XPO1: variants seen among roughly 807,000 people sequenced by gnomAD.
XPO1 encodes exportin-1.
Under a neutral mutation model 133.3 loss-of-function variants are expected in XPO1, and 5 were observed. The ratio of observed to expected loss-of-function variants is 0.04; its 90% CI spans 0.02 to 0.08. The LOEUF (loss-of-function observed/expected upper bound fraction) is 0.08, where lower values mean the gene tolerates loss of function less well. XPO1 is among the 10% of genes least tolerant of loss of function. The probability of loss-of-function intolerance (pLI) is 1.00; values close to 1 mark genes in which losing one functional copy is unlikely to be tolerated. For missense variants in XPO1, 506 were observed against 1,267.5 expected (o/e 0.40, Z 9.12); for synonymous variants, 419 against 408.2 (o/e 1.03, Z -0.32).
At chr2:61,525,501 T>G in intron 3 of XPO1, 1 of 1,010,162 alleles carries the variant, frequency 9.9e-7, no homozygotes, top group Non-Finnish European at 1.2e-6. Context: ...CCTGTTGCTT[T>G]CTTTCTGTTC....
intron 5 of XPO1, 37 bp downstream of exon 5, chr2:61,502,212 T>C (rs1697563933): frequency 6.3e-7 from 1 of 1,599,982 alleles, no homozygotes; most frequent in African/African-American, 1.4e-5. Context: ...CTAAATGATT[T>C]TATGCTCTCC....
In XPO1 at chr2:61,516,889, C is replaced by G. The variant is rs969983441; in HGVS notation, c.301+5722G>C. ...TTTTTTTATTTGAATTATCTAAATG[C>G]CATTTTTAATTAATTAATTAATTAT... On this transcript the variant is annotated intron_variant, in intron 4 of 24. Coordinates refer to ENST00000401558, the MANE Select transcript of XPO1 (RefSeq NM_003400.4). Among the ~76,000 whole-genome samples the G allele has an allele frequency of 2.6e-5, 4 of 151,792 alleles. No homozygotes were observed. In the East Asian group the frequency reaches 7.7e-4, roughly 29 times the overall value.
At chr2:61,529,974 A>C (rs183850090) in intron 2 of XPO1, among the ~76,000 whole-genome samples, 5 of 152,314 alleles carry the variant, frequency 3.3e-5, no homozygotes, top group African/African-American at 1.2e-4. Flanking sequence ...TCATTAAAGG[A>C]CTGATGGGCA....
At chr2:61,527,488 C>T (rs773340483) in intron 2 of XPO1, among the ~76,000 whole-genome samples, 1 of 151,888 alleles carries the variant, frequency 6.6e-6, no homozygotes, top group Non-Finnish European at 1.5e-5. Context: ...GACCCTGTCT[C>T]TAGAAAAACA....
rs771521851 is a variant in XPO1, at chr2:61,522,678, A to G, written c.234T>C (p.Tyr78=). 11 of 1,612,424 alleles carry G rather than the reference A, an allele frequency of 6.8e-6. No individual in the cohort carries two copies. The highest frequency in any genetic ancestry group is 1.7e-5 in the Admixed American group (1 of 59,984). ...EFSQNMNTKY[Y]GLQILENVIK... The stretch of plus-strand genomic sequence containing the variant: ...TCACATTTTCCAAAATTTGTAGTCC[A>G]TAGTACTGAAAATTGGAGAATAGAA... Residue 78 remains tyrosine (Y), a synonymous_variant, in exon 4 of 25, where the codon TAT becomes TAC. Coordinates refer to ENST00000401558, the MANE Select transcript of XPO1 (RefSeq NM_003400.4).
At chr2:61,515,603 A>G (rs1197408211) in intron 4 of XPO1, among the ~76,000 whole-genome samples, 1 of 152,166 alleles carries the variant, frequency 6.6e-6, no homozygotes, top group Non-Finnish European at 1.5e-5. Flanking sequence ...AATGCCCAAA[A>G]CCTTGCAACA....
Position 61,484,116 on chromosome 2 carries a change from G to A in XPO1, c.2509-11C>T. On this transcript the variant is annotated splice_polypyrimidine_tract_variant and intron_variant, in intron 20 of 24. Coordinates refer to ENST00000401558, the MANE Select transcript of XPO1 (RefSeq NM_003400.4). ...ATATTCTTCAAAGTCCTAAAAATAA[G>A]TGGTGGAAACAAAATAATGTTTCAG... 1.2e-6 allele frequency: 2 copies of A among 1,607,884 alleles called. No individual in the cohort carries two copies. Among genetic ancestry groups the A allele is most frequent in the Non-Finnish European group, 1.7e-6 (2 of 1,175,388 alleles).
intron 4 of XPO1, among the ~76,000 whole-genome samples, chr2:61,517,759 G>A (rs899274121): frequency 5.3e-5 from 8 of 152,024 alleles, no homozygotes; most frequent in African/African-American, 1.7e-4. Context: ...TTCACAGTGA[G>A]ACTCTATCTC....
chr2:61,496,863 G>A lies in XPO1; in HGVS notation c.888+16C>T, dbSNP rs775536897. On this transcript the variant is annotated intron_variant, in intron 10 of 24. Coordinates refer to ENST00000401558, the MANE Select transcript of XPO1 (RefSeq NM_003400.4). Reference sequence around the variant, plus strand: ...CTAAAATTATTCAGCCAATTTTCAAGATAGTATTATATTACCTGCTTTAGT... The same window carrying A: ...CTAAAATTATTCAGCCAATTTTCAAAATAGTATTATATTACCTGCTTTAGT... 4 of 1,539,728 alleles carry A rather than the reference G, an allele frequency of 2.6e-6. No individual in the cohort carries two copies. The highest frequency in any genetic ancestry group is 3.4e-4 in the Middle Eastern group (2 of 5,816).
At chr2:61,527,924 T>C (rs541719453) in intron 2 of XPO1, among the ~76,000 whole-genome samples, 1 of 151,986 alleles carries the variant, frequency 6.6e-6, no homozygotes, top group East Asian at 1.9e-4. Flanking sequence ...TTATTCCTTT[T>C]TTCTCTCTTT....
intron 2 of XPO1, among the ~76,000 whole-genome samples, chr2:61,527,301 G>A (rs1698944880): frequency 7.7e-6 from 1 of 130,106 alleles, no homozygotes; most frequent in South Asian, 2.6e-4. Context: ...GACAGGCAAT[G>A]TAACGAGGCC....
chr2:61,525,375 T>G (rs143158075), intron 3 of XPO1: 1 of 990,522 alleles, frequency 1.0e-6, no homozygotes, highest in Non-Finnish European at 1.2e-6. Flanking sequence ...ATGATTAATA[T>G]CAGGTAGTGT....
chr2:61,478,942 C>G lies in XPO1; in HGVS notation c.3094G>C (p.Asp1032His). 6.2e-7 allele frequency: 1 copy of G among 1,613,836 alleles called. No individual in the cohort carries two copies. The highest frequency in any genetic ancestry group is 8.5e-7 in the Non-Finnish European group (1 of 1,179,916). The change falls in exon 25 of 25, where the codon GAT (aspartate) becomes CAT (histidine). Residue 1032 changes from aspartate (D) to histidine (H), a missense_variant. By Grantham distance (81) the Asp-to-His change is moderately conservative (BLOSUM62 -1). Around this residue, in one of 6 missense-constraint regions of XPO1, gnomAD observed 203 missense variants for 365.9 expected, o/e 0.55. Transcript: ENST00000401558. ...IKEFAGEDTS[D>H]LFLEEREIAL... is the part of the protein sequence containing the mutation. ...ATTTCTCTCTCTTCCAAAAACAAAT[C>G]AGAAGTGTCTTCACCTGCAAATTCC...
intron 4 of XPO1, among the ~76,000 whole-genome samples, chr2:61,518,911 G>A (rs927300522): frequency 3.3e-5 from 5 of 151,928 alleles, no homozygotes; most frequent in African/African-American, 1.2e-4. Flanking sequence ...AATATCTTTT[G>A]GAAAATTAAA....
intron 22 of XPO1, 54 bp from the exon 23 acceptor site, chr2:61,482,593 T>G: frequency 7.1e-7 from 1 of 1,414,690 alleles, no homozygotes; most frequent in Non-Finnish European, 9.4e-7. Context: ...CTATAGATCT[T>G]AGCGTTTTTT....
chr2:61,502,551 G>A (rs1228995515), intron 4 of XPO1: 9 of 370,344 alleles, frequency 2.4e-5, no homozygotes, highest in Non-Finnish European at 3.9e-5. Context: ...CCAGGAATTC[G>A]AGACCAGCAT....
At chr2:61,486,874 C>T (rs539372090) in intron 19 of XPO1, among the ~76,000 whole-genome samples, 1 of 152,178 alleles carries the variant, frequency 6.6e-6, no homozygotes, top group South Asian at 2.1e-4. Context: ...TGGGGTGATT[C>T]GCCTGCCTTA....
At chr2:61,488,858 CTG>C in intron 17 of XPO1, 87 bp from the exon 18 acceptor site, 3 of 1,437,064 alleles carry the variant, frequency 2.1e-6, no homozygotes, top group Non-Finnish European at 2.9e-6. Flanking sequence ...TCCCAGCACT[CTG>C]AGAGGCCGAG....
At chr2:61,480,781 TC>T (rs1233198027) in intron 24 of XPO1, among the ~76,000 whole-genome samples, 1 of 152,050 alleles carries the variant, frequency 6.6e-6, no homozygotes, top group Non-Finnish European at 1.5e-5. Context: ...GAAAAACCCT[TC>T]CCAAAAGTAT....
Sources: allele counts gnomAD v4.1 joint callset (sites outside exome capture counted in the v4.1 genomes callset), GRCh38; gene constraint gnomAD v4.1.1; regional missense constraint gnomAD v4.1.1; transcripts MANE v1.5; gene names NCBI Gene and HGNC (gene_info 2026-07-23, HGNC 2026-07-21).